INTS1: variants seen among roughly 807,000 people sequenced by gnomAD.
INTS1 encodes the protein integrator complex subunit 1.
INTS1 carries 137 observed loss-of-function variants against 241.6 expected under a neutral mutation model. The ratio of observed to expected loss-of-function variants is 0.57; its 90% CI spans 0.49 to 0.65. The LOEUF (loss-of-function observed/expected upper bound fraction) is 0.65. INTS1 is among the 30% of genes least tolerant of loss of function. The pLI is 0.00. For missense variants in INTS1, 3,073 were observed against 3,032.2 expected (o/e 1.01, Z -0.32); for synonymous variants, 1,692 against 1,337.8 (o/e 1.26, Z -5.78).
At chr7:1,492,817 T>A (rs558808715) in intron 16 of INTS1, among the ~76,000 whole-genome samples, 193 bp downstream of exon 16, 1 of 143,670 alleles carries the variant, frequency 7.0e-6, no homozygotes, top group Admixed American at 6.9e-5. Context: ...CCATGGGGAG[T>A]GGGGCGCGGG....
Position 1,498,970 on chromosome 7 carries a change from C to T in INTS1, c.1137+5G>A, listed in dbSNP as rs1245963691. The T allele has an allele frequency of 4.6e-6, 7 of 1,533,046 alleles. No individual in the cohort carries two copies. Among genetic ancestry groups the T allele is most frequent in the Non-Finnish European group, 6.1e-6 (7 of 1,140,262 alleles). The allele number at this position is 1,533,046 out of a possible 1,614,324, so 95.0% of individuals were successfully genotyped here. On this transcript the variant is annotated splice_donor_5th_base_variant and intron_variant, in intron 8 of 47. Coordinates refer to ENST00000404767, the MANE Select transcript of INTS1 (RefSeq NM_001080453.3). ...CCCGCCCACCCCCCCGGGGCGCCCC[C>T]GCACCTTGGGGTTCTGCAGCCACAT...
In INTS1 at chr7:1,503,225, T is replaced by G. The variant is rs781486045; in HGVS notation, c.59-34A>C. ...AAAGGAGAGAGAAAACCGGGCACAT[T>G]TGCAACACCCAAGATGGAAAAAGAC... On this transcript the variant is annotated intron_variant, in intron 2 of 47. Transcript: ENST00000404767. The G allele has an allele frequency of 1.1e-5, 16 of 1,512,458 alleles. No homozygotes were observed. In the African/African-American group the frequency reaches 2.0e-4, roughly 18 times the overall value. 93.7% of individuals were successfully genotyped at this position (1,512,458 alleles called of 1,614,324 possible).
chr7:1,476,865 G>A lies in INTS1; in HGVS notation c.4992C>T (p.Phe1664=), dbSNP rs1283949384. The stretch of plus-strand genomic sequence containing the variant: ...GTGTGGGCCAGCTGGACTGATGCGT[G>A]AAGAGGGTCAGGAGGTAGGGACGGA... The part of the protein sequence containing the change: ...PSFRPYLLTL[F]THQSSWPTLH... The change falls in exon 36 of 48, where the codon TTC becomes TTT. Residue 1664 remains phenylalanine (F), a synonymous_variant. Transcript: ENST00000404767. 1 of 1,612,942 alleles carries A rather than the reference G, an allele frequency of 6.2e-7. No individual in the cohort carries two copies. The highest frequency in any genetic ancestry group is 1.1e-5 in the South Asian group (1 of 91,048).
intron 46 of INTS1, 45 bp from the exon 47 acceptor site, chr7:1,471,000 A>C (rs1781438712): frequency 2.8e-5 from 43 of 1,525,622 alleles, no homozygotes; most frequent in Non-Finnish European, 3.7e-5. Context: ...CCCTGTGCCC[A>C]CGCCAGACCC....
intron 14 of INTS1, 147 bp from the exon 15 acceptor site, chr7:1,494,058 C>G (rs1319967079): frequency 1.9e-6 from 2 of 1,032,404 alleles, no homozygotes; most frequent in Non-Finnish European, 2.8e-6. Flanking sequence ...CCCCTCCAAC[C>G]TGAGCCTCCC....
rs57092311 is a variant in INTS1, at chr7:1,498,903, A to G, written c.1138-51T>C. ...GGCTCACGGCCACCCCGGCAGGAAG[A>G]CCACGCTGTGGGGCCACACAGAGCC... On this transcript the variant is annotated intron_variant, in intron 8 of 47. Transcript: ENST00000404767. 688,948 of 1,544,034 alleles carry G rather than the reference A, an allele frequency of 0.45. 161,102 individuals carry two copies. Among genetic ancestry groups the G allele is most frequent in the African/African-American group, 0.77 (55,452 of 71,780 alleles).
chr7:1,496,688 A>G (rs1489290802), intron 11 of INTS1, among the ~76,000 whole-genome samples: 1 of 152,140 alleles, frequency 6.6e-6, no homozygotes, highest in African/African-American at 2.4e-5. Flanking sequence ...AGAGATCCAC[A>G]AAGCCCCGTC....
Position 1,474,170 on chromosome 7 carries a change from G to C in INTS1, c.5827C>G (p.Leu1943Val). The change falls in exon 41 of 48, where the codon CTG (leucine) becomes GTG (valine). Residue 1943 changes from leucine to valine, a missense_variant and splice_region_variant. Coordinates refer to ENST00000404767, the MANE Select transcript of INTS1 (RefSeq NM_001080453.3). ...GGGCGGGCGGCGGGAGCACACACCA[G>C]CAGCAGGCGGATGAAGGACAGAAGG... Reference protein sequence around the residue: ...DCLLSFIRLLLNYRKSSRHLA... With the variant: ...DCLLSFIRLLVNYRKSSRHLA... 6.4e-7 allele frequency: 1 copy of C among 1,566,330 alleles called. No homozygotes were observed. Among genetic ancestry groups the C allele is most frequent in the Non-Finnish European group, 8.6e-7 (1 of 1,158,448 alleles).
At chr7:1,503,436 C>G (rs928026283) in intron 2 of INTS1, among the ~76,000 whole-genome samples, 2 of 152,162 alleles carry the variant, frequency 1.3e-5, no homozygotes, top group Admixed American at 1.3e-4. Flanking sequence ...AATTAGTGTG[C>G]TTAGTAACCC....
rs1399786269 is a variant in INTS1, at chr7:1,497,016, C to T, written c.1602+122G>A. 16 of 1,024,548 alleles carry T rather than the reference C, an allele frequency of 1.6e-5. No homozygotes were observed. Among genetic ancestry groups the T allele is most frequent in the African/African-American group, 3.2e-5 (2 of 61,692 alleles). 63.5% of individuals were successfully genotyped at this position (1,024,548 alleles called of 1,614,324 possible). On this transcript the variant is annotated intron_variant, in intron 11 of 47. Transcript: ENST00000404767. This position sits in a 1 kb window ranked among gnomAD's most constrained non-coding sequence, Gnocchi z 5.3. ...CACCGCAAACAGCCTCACTCATCCC[C>T]GTACCCACGCTCAGCCAGAGCATCC...
rs1782754467 is a variant in INTS1, at chr7:1,494,613, C to G, written c.1910+203G>C. On this transcript the variant is annotated intron_variant, in intron 14 of 47. Coordinates refer to ENST00000404767, the MANE Select transcript of INTS1 (RefSeq NM_001080453.3). ...GGAGTCACGTGGACGCAGACGGCAG[C>G]TGAATCCCTACAGTGGCGCTGGGAC... 5 of 624,782 alleles carry G rather than the reference C, an allele frequency of 8.0e-6. No individual in the cohort carries two copies. In the Admixed American group the frequency reaches 1.0e-4, roughly 13 times the overall value. 38.7% of individuals were successfully genotyped at this position (624,782 alleles called of 1,614,324 possible).
intron 33 of INTS1, 103 bp downstream of exon 33, chr7:1,478,262 GC>G: frequency 7.6e-7 from 1 of 1,319,586 alleles, no homozygotes. Flanking sequence ...CGGGGACAGT[GC>G]TGAGCAGACA....
At position 1,472,310 on chromosome 7, in the gene INTS1, G is replaced by A. The variant is rs1471955275; in HGVS notation, c.6147C>T (p.Pro2049=). Residue 2049 remains proline, a synonymous_variant, in exon 44 of 48, where the codon CCC becomes CCT. Coordinates refer to ENST00000404767, the MANE Select transcript of INTS1 (RefSeq NM_001080453.3). Reference sequence around the variant, plus strand: ...GGCCCCGGGAAAGCCGTTTCATGTAGGGGGCCATCTCGGCCGCGGTCAGAG... The same window carrying A: ...GGCCCCGGGAAAGCCGTTTCATGTAAGGGGCCATCTCGGCCGCGGTCAGAG... ...FTPLTAAEMA[P]YMKRLSRGQT... The A allele has an allele frequency of 1.3e-6, 2 of 1,567,642 alleles. No individual in the cohort carries two copies. The highest frequency in any genetic ancestry group is 2.7e-5 in the African/African-American group (2 of 74,072).
At chr7:1,489,534 A>G in intron 17 of INTS1, 57 bp downstream of exon 17, 2 of 1,521,722 alleles carry the variant, frequency 1.3e-6, no homozygotes, top group Non-Finnish European at 1.8e-6. Context: ...AACTGCCCCA[A>G]AGGAATAAGG....
Position 1,473,054 on chromosome 7 carries a change from C to T in INTS1, c.6070+18G>A. The T allele has an allele frequency of 6.5e-7, 1 of 1,539,988 alleles. No individual in the cohort carries two copies. Among genetic ancestry groups the T allele is most frequent in the Non-Finnish European group, 8.9e-7 (1 of 1,123,492 alleles). ...TGTTCCGCAGCTGCTTCCAGCAGCC[C>T]CTGGCAGCCCCACTCACCCTCGCCC... is the stretch of plus-strand genomic sequence containing the variant. On this transcript the variant is annotated intron_variant, in intron 43 of 47. Transcript: ENST00000404767.
Position 1,481,240 on chromosome 7 carries a change from C to T in INTS1, c.3850+102G>A. 7.3e-7 allele frequency: 1 copy of T among 1,372,580 alleles called. No homozygotes were observed. The allele number at this position is 1,372,580 out of a possible 1,614,324, so 85.0% of individuals were successfully genotyped here. ...TCGAGTGCCACCCACACCCACCCGA[C>T]CTCGGATCACCCACCCGCTCGCACC... On this transcript the variant is annotated intron_variant, in intron 28 of 47. Coordinates refer to ENST00000404767, the MANE Select transcript of INTS1 (RefSeq NM_001080453.3). This position sits in a 1 kb window ranked among gnomAD's most constrained non-coding sequence, Gnocchi z 6.8.
In INTS1 at chr7:1,487,693, C is replaced by G. The variant is rs144287809; in HGVS notation, c.2516+67G>C. On this transcript the variant is annotated intron_variant, in intron 19 of 47. Coordinates refer to ENST00000404767, the MANE Select transcript of INTS1 (RefSeq NM_001080453.3). ...CTCCGCCTGCTCCTTCAGCCTCTGT[C>G]CCACCCACACCAACCACCCACAGGT... The G allele has an allele frequency of 1.6e-3, 2,469 of 1,569,986 alleles. 56 individuals carry two copies. In the East Asian group the frequency reaches 0.048, roughly 31 times the overall value.
rs1036774106 is a variant in INTS1, at chr7:1,474,424, G to A, written c.5637-64C>T. The A allele has an allele frequency of 4.0e-6, 6 of 1,484,562 alleles. No individual in the cohort carries two copies. The African/African-American group carries it at 8.4e-5, about 21-fold the overall frequency. 92.0% of individuals were successfully genotyped at this position (1,484,562 alleles called of 1,614,324 possible). On this transcript the variant is annotated intron_variant, in intron 40 of 47. Coordinates refer to ENST00000404767, the MANE Select transcript of INTS1 (RefSeq NM_001080453.3). ...GGGCTCACCTGGCGCACGTCCCCAG[G>A]AAGGCCCCACTGCCTGCCCCGGGAG... is the stretch of plus-strand genomic sequence containing the variant.
At position 1,474,368 on chromosome 7, in the gene INTS1, C is replaced by A. The variant is rs768591807; in HGVS notation, c.5637-8G>T. ...GCGATCATGGGCAGGTGCCTGCGGG[C>A]GCGGTGAGGGCCCAGTCAGCCCCGG... On this transcript the variant is annotated splice_polypyrimidine_tract_variant and splice_region_variant and intron_variant, in intron 40 of 47. Transcript: ENST00000404767. The A allele has an allele frequency of 7.0e-6, 11 of 1,581,438 alleles. No individual in the cohort carries two copies. Among genetic ancestry groups the A allele is most frequent in the Admixed American group, 3.4e-5 (2 of 58,494 alleles).
Sources: allele counts gnomAD v4.1 joint callset (sites outside exome capture counted in the v4.1 genomes callset), GRCh38; gene constraint gnomAD v4.1.1; non-coding constraint Gnocchi (gnomAD v3.1); transcripts MANE v1.5; gene names NCBI Gene and HGNC (gene_info 2026-07-23, HGNC 2026-07-21).